The following ROBO1 variants were observed in gnomAD, a reference collection of about 807,000 sequenced individuals.
ROBO1 encodes roundabout guidance receptor 1, also known as roundabout homolog 1.
A neutral mutation model predicts 195.9 loss-of-function variants in ROBO1; 149 were observed. That is an observed-to-expected ratio of 0.76 (90% confidence interval 0.67 to 0.87). The LOEUF is 0.87. ROBO1 is among the 40% of genes least tolerant of loss of function. The pLI, the probability that ROBO1 is intolerant of heterozygous loss-of-function variation, is 0.00. For missense variants in ROBO1, 1,933 were observed against 2,068.3 expected (o/e 0.93, Z 1.27); for synonymous variants, 816 against 733.2 (o/e 1.11, Z -1.82).
At chr3:79,436,665 A>C (rs747217062) in intron 2 of ROBO1, among the ~76,000 whole-genome samples, 6 of 152,024 alleles carry the variant, frequency 3.9e-5, no homozygotes, top group Non-Finnish European at 8.8e-5. Flanking sequence ...GTTATTTTTG[A>C]TACAGTGTGA....
At chr3:79,325,141 T>C (rs1311063643) in intron 2 of ROBO1, among the ~76,000 whole-genome samples, 1 of 152,246 alleles carries the variant, frequency 6.6e-6, no homozygotes, top group African/African-American at 2.4e-5. Flanking sequence ...GTTATAAAGT[T>C]AGTATTATTA....
chr3:79,422,210 T>C (rs1204225024), intron 2 of ROBO1, among the ~76,000 whole-genome samples: 2 of 148,888 alleles, frequency 1.3e-5, no homozygotes, highest in African/African-American at 4.9e-5. Context: ...TATCATATTA[T>C]ATATTTTATG....
intron 3 of ROBO1, among the ~76,000 whole-genome samples, chr3:79,091,721 A>G (rs2108490446): frequency 6.6e-6 from 1 of 152,254 alleles, no homozygotes; most frequent in South Asian, 2.1e-4. Flanking sequence ...GACCTGGCAA[A>G]CTTGAGGGAA....
intron 20 of ROBO1, 58 bp downstream of exon 20, chr3:78,647,571 T>C (rs1706379919): frequency 1.4e-6 from 2 of 1,481,386 alleles, no homozygotes; most frequent in African/African-American, 1.4e-5. Flanking sequence ...AGAAACACAA[T>C]AGTGGAACAC....
At chr3:78,905,690 G>A (rs1183596630) in intron 4 of ROBO1, among the ~76,000 whole-genome samples, 2 of 152,008 alleles carry the variant, frequency 1.3e-5, no homozygotes, top group African/African-American at 4.8e-5. Context: ...GAAAAAATGT[G>A]TATATATACA....
chr3:78,634,381 T>TAA, intron 23 of ROBO1: 1 of 200,066 alleles, frequency 5.0e-6, no homozygotes, highest in Non-Finnish European at 1.1e-5. Flanking sequence ...TATCTATGAT[T>TAA]AAAAAAAACA....
At chr3:79,094,595 G>A (rs995805469) in intron 3 of ROBO1, among the ~76,000 whole-genome samples, 1 of 152,042 alleles carries the variant, frequency 6.6e-6, no homozygotes, top group Non-Finnish European at 1.5e-5. Flanking sequence ...AAATGCTCAA[G>A]GATAAGTAGT....
intron 4 of ROBO1, among the ~76,000 whole-genome samples, chr3:78,820,651 T>C (rs1052705819): frequency 1.3e-5 from 2 of 152,258 alleles, no homozygotes; most frequent in African/African-American, 4.8e-5. Flanking sequence ...TCTGGAATTA[T>C]TCCATTCAGC....
chr3:78,903,415 C>T (rs2037702942), intron 4 of ROBO1, among the ~76,000 whole-genome samples: 2 of 151,836 alleles, frequency 1.3e-5, no homozygotes, highest in East Asian at 3.9e-4. Flanking sequence ...AGATATTTCA[C>T]ATAAAAGCAT....
At chr3:78,914,057 C>A (rs903429444) in intron 4 of ROBO1, among the ~76,000 whole-genome samples, 1 of 152,086 alleles carries the variant, frequency 6.6e-6, no homozygotes, top group Non-Finnish European at 1.5e-5. Flanking sequence ...TCAAAAGAAA[C>A]AAATGGCAGT....
Position 79,463,292 on chromosome 3 carries a change from G to A in ROBO1, c.88+126532C>T, listed in dbSNP as rs766412274. Among the ~76,000 whole-genome samples the A allele has an allele frequency of 4.0e-5, 6 of 151,782 alleles. No individual in the cohort carries two copies. The South Asian group carries it at 1.2e-3, about 32-fold the overall frequency. On this transcript the variant is annotated intron_variant, in intron 2 of 30. Coordinates refer to ENST00000464233, the MANE Select transcript of ROBO1 (RefSeq NM_002941.4). ...TGGGAGGCTGAGGCAGGAGAATGGC[G>A]TGAACCCAGGAGTCAGAGCTTGCAG...
rs551279343 is a variant in ROBO1 at position 79,139,220 on chromosome 3, G to A, written c.89-13681C>T. ...AAATACACTATTGCAATATTAGGAA[G>A]GTAAATTCGTTAATGGATAAGCCTG... On this transcript the variant is annotated intron_variant, in intron 2 of 30. Transcript: ENST00000464233. Among the ~76,000 whole-genome samples, 170 of 151,798 alleles carry A rather than the reference G, an allele frequency of 1.1e-3. 1 individual carries two copies. Among genetic ancestry groups the A allele is most frequent in the African/African-American group, 3.9e-3 (162 of 41,448 alleles).
At chr3:79,140,049 T>G (rs899992832) in intron 2 of ROBO1, among the ~76,000 whole-genome samples, 1 of 152,098 alleles carries the variant, frequency 6.6e-6, no homozygotes, top group Admixed American at 6.6e-5. Context: ...CAGGAAGAAA[T>G]AGAATCCCTT....
chr3:79,641,928 A>G (rs1357977128), intron 1 of ROBO1, among the ~76,000 whole-genome samples: 1 of 152,130 alleles, frequency 6.6e-6, no homozygotes, highest in East Asian at 1.9e-4. Flanking sequence ...TTGAGCTGGG[A>G]GGATTACTTG....
intron 1 of ROBO1, among the ~76,000 whole-genome samples, chr3:79,619,523 C>G (rs749179368): frequency 1.3e-5 from 2 of 152,002 alleles, no homozygotes; most frequent in Non-Finnish European, 2.9e-5. Flanking sequence ...TCTAGATAAC[C>G]CTTCTATTAC....
chr3:78,680,069 C>A (rs1200708485), intron 10 of ROBO1, among the ~76,000 whole-genome samples: 1 of 152,126 alleles, frequency 6.6e-6, no homozygotes, highest in East Asian at 1.9e-4. Context: ...CTGACAAAAA[C>A]AAGCAATGGG....
chr3:79,636,093 A>C (rs1412151665), intron 1 of ROBO1, among the ~76,000 whole-genome samples: 2 of 152,146 alleles, frequency 1.3e-5, no homozygotes, highest in African/African-American at 4.8e-5. Context: ...CATTTAGAAC[A>C]GATAATGTAT....
At chr3:78,647,592 A>G in intron 20 of ROBO1, 37 bp downstream of exon 20, 1 of 1,592,186 alleles carries the variant, frequency 6.3e-7, no homozygotes, top group Non-Finnish European at 8.6e-7. Context: ...ATGCCAAACT[A>G]ACAATGGAAA....
intron 2 of ROBO1, among the ~76,000 whole-genome samples, chr3:79,494,550 T>C (rs1162816766): frequency 2.6e-5 from 4 of 151,792 alleles, no homozygotes; most frequent in African/African-American, 9.7e-5. Context: ...CAAATGAAGA[T>C]GAAACAAAAC....
Sources: allele counts gnomAD v4.1 joint callset (sites outside exome capture counted in the v4.1 genomes callset), GRCh38; gene constraint gnomAD v4.1.1; transcripts MANE v1.5; gene names NCBI Gene and HGNC (gene_info 2026-07-23, HGNC 2026-07-21).